The following CZIB variants were observed in gnomAD, a reference collection of about 807,000 sequenced individuals.
CZIB encodes the protein UPF0587 protein C1orf123.
Under a neutral mutation model 28.3 loss-of-function variants are expected in CZIB, and 26 were observed. The observed-to-expected ratio is 0.92, with a 90% confidence interval of 0.67 to 1.27. CZIB has a LOEUF of 1.27. Ranked by LOEUF, CZIB falls within the 50% of genes most tolerant of loss-of-function variation. The pLI, the probability that CZIB is intolerant of heterozygous loss-of-function variation, is 0.00. For missense variants in CZIB, 179 were observed against 197.3 expected (o/e 0.91, Z 0.56); for synonymous variants, 78 against 71.1 (o/e 1.10, Z -0.49).
At chr1:53,219,180 T>C (rs527420969) in intron 2 of CZIB, 1 of 480,550 alleles carries the variant, frequency 2.1e-6, no homozygotes, top group Non-Finnish European at 3.7e-6. Flanking sequence ...AAGGCACCTG[T>C]GGTGCAGAAA....
chr1:53,214,764 T>A (rs778362865), intron 7 of CZIB, 28 bp from the exon 8 acceptor site: 1 of 1,598,488 alleles, frequency 6.3e-7, no homozygotes, highest in Non-Finnish European at 8.6e-7. Flanking sequence ...ATTGTTAGCC[T>A]CACAACGCAG....
At chr1:53,217,102 G>A in intron 5 of CZIB, 1 of 466,488 alleles carries the variant, frequency 2.1e-6, no homozygotes, top group Non-Finnish European at 3.9e-6. Context: ...CTGCCTGGAT[G>A]TAAGGTAAGC....
intron 7 of CZIB, 36 bp from the exon 8 acceptor site, chr1:53,214,772 C>T: frequency 1.9e-6 from 3 of 1,575,286 alleles, no homozygotes; most frequent in Non-Finnish European, 1.7e-6. Context: ...CCTCACAACG[C>T]AGAATGCAGC....
Position 53,220,592 on chromosome 1 carries a change from C to T in CZIB, c.-17G>A. 1.3e-6 allele frequency: 2 copies of T among 1,597,100 alleles called. No homozygotes were observed. Among genetic ancestry groups the T allele is most frequent in the Non-Finnish European group, 1.7e-6 (2 of 1,178,916 alleles). On this transcript the variant is annotated 5_prime_UTR_variant, in exon 1 of 8. Coordinates refer to ENST00000294360, the MANE Select transcript of CZIB (RefSeq NM_017887.3). ...CACCCCCATGGTAGCCCTCTCCGCC[C>T]GGTGCTGGCTGCGGCCCTTGCCGTT...
chr1:53,216,137 C>A (rs897849613), intron 6 of CZIB, 81 bp from the exon 7 acceptor site: 3 of 1,316,050 alleles, frequency 2.3e-6, no homozygotes, highest in Admixed American at 1.7e-5. Context: ...AGGCTGCTGG[C>A]TCTTCTCACA....
chr1:53,218,057 G>T, intron 5 of CZIB, 115 bp downstream of exon 5: 2 of 1,095,858 alleles, frequency 1.8e-6, no homozygotes, highest in South Asian at 1.5e-5. Context: ...CTAAGTTCAT[G>T]AGTGAATGTC....
intron 3 of CZIB, 53 bp downstream of exon 3, chr1:53,218,814 G>A (rs1645491231): frequency 2.0e-6 from 3 of 1,519,054 alleles, no homozygotes; most frequent in East Asian, 2.3e-5. Flanking sequence ...CTGCCCAGAA[G>A]TGTATGTGTG....
chr1:53,220,222 G>C (rs527872472), intron 2 of CZIB, 39 bp downstream of exon 2: 541 of 1,571,350 alleles, frequency 3.4e-4, no homozygotes, highest in Non-Finnish European at 4.4e-4. Flanking sequence ...ACTGAGATCA[G>C]GACGGGCCTC....
Position 53,220,629 on chromosome 1 carries a change from C to T in CZIB, c.-54G>A, listed in dbSNP as rs1471305147. 8 of 1,587,860 alleles carry T rather than the reference C, an allele frequency of 5.0e-6. No homozygotes were observed. Among genetic ancestry groups the T allele is most frequent in the African/African-American group, 1.3e-5 (1 of 74,456 alleles). ...CGGCCCTTGCCGTTGCTTTCCGGCG[C>T]GTCGTAAAAGGCGGGTGCCGTCTGC... On this transcript the variant is annotated 5_prime_UTR_variant, in exon 1 of 8. Transcript: ENST00000294360.
Position 53,216,905 on chromosome 1 carries a change from G to A in CZIB, c.262-46C>T, listed in dbSNP as rs1316592676. On this transcript the variant is annotated intron_variant, in intron 5 of 7. Transcript: ENST00000294360. ...GGAGGCAGGCCCAAATGAGCTCTCA[G>A]GATGACCCCATGGCCCCTCTCCTTC... The A allele has an allele frequency of 2.6e-6, 4 of 1,525,654 alleles. No individual in the cohort carries two copies. The South Asian group carries it at 4.5e-5, about 17-fold the overall frequency. 94.5% of individuals were successfully genotyped at this position (1,525,654 alleles called of 1,614,324 possible). A position where few individuals can be genotyped will look rare whatever the true frequency, so the allele number is the denominator to read the frequency against.
At chr1:53,220,378 G>A (rs1473273550) in intron 1 of CZIB, 34 bp from the exon 2 acceptor site, 2 of 1,604,586 alleles carry the variant, frequency 1.2e-6, no homozygotes, top group Non-Finnish European at 1.7e-6. Flanking sequence ...TGCGTCAGCC[G>A]TGCCTGCGCA....
Position 53,220,633 on chromosome 1 carries a change from G to GT in CZIB, c.-59dup, listed in dbSNP as rs1645519258. The GT allele has an allele frequency of 6.3e-7, 1 of 1,585,100 alleles. No individual in the cohort carries two copies. ...CCTTGCCGTTGCTTTCCGGCGCGTC[G>GT]TAAAAGGCGGGTGCCGTCTGCGCAC... On this transcript the variant is annotated 5_prime_UTR_variant, in exon 1 of 8. Transcript: ENST00000294360.
intron 5 of CZIB, 116 bp downstream of exon 5, chr1:53,218,039 AAGAAGAACTAAGTTCAT>A: frequency 1.1e-6 from 1 of 951,578 alleles, no homozygotes; most frequent in Non-Finnish European, 1.6e-6. Context: ...GACTGAGTCA[AAGAAGAACTAAGTTCAT>A]GAGTGAATGT....
Position 53,216,737 on chromosome 1 carries a change from T to C in CZIB, c.339+45A>G, listed in dbSNP as rs558687363. 68 of 1,551,196 alleles carry C rather than the reference T, an allele frequency of 4.4e-5. No homozygotes were observed. The South Asian group carries it at 6.9e-4, about 16-fold the overall frequency. On this transcript the variant is annotated intron_variant, in intron 6 of 7. Coordinates refer to ENST00000294360, the MANE Select transcript of CZIB (RefSeq NM_017887.3). ...ACAGTTCTGGCTGTCACTTCATACA[T>C]CCCCTCCCCAAAGACAAAGATTCCC...
intron 3 of CZIB, 158 bp downstream of exon 3, chr1:53,218,709 G>T: frequency 1.2e-6 from 1 of 808,448 alleles, no homozygotes; most frequent in Non-Finnish European, 2.0e-6. Flanking sequence ...GATGCCTATT[G>T]AATCCAGTGC....
At chr1:53,218,290 C>T (rs1442585647) in intron 4 of CZIB, 87 bp from the exon 5 acceptor site, 7 of 1,578,118 alleles carry the variant, frequency 4.4e-6, no homozygotes, top group South Asian at 1.1e-5. Flanking sequence ...AAAAAGATCA[C>T]GCTGTACAGG....
chr1:53,216,487 A>T (rs1270100906), intron 6 of CZIB, among the ~76,000 whole-genome samples: 1 of 152,212 alleles, frequency 6.6e-6, no homozygotes, highest in African/African-American at 2.4e-5. Flanking sequence ...TTGAAACTAT[A>T]GCTCCACTGC....
chr1:53,220,386 G>T (rs761245589), intron 1 of CZIB, 42 bp from the exon 2 acceptor site: 3 of 1,600,704 alleles, frequency 1.9e-6, no homozygotes, highest in Non-Finnish European at 1.7e-6. Context: ...CCGTGCCTGC[G>T]CAGCCCCACG....
intron 4 of CZIB, 46 bp from the exon 5 acceptor site, chr1:53,218,249 C>T (rs12140585): frequency 8.7e-6 from 14 of 1,609,804 alleles, no homozygotes; most frequent in South Asian, 2.2e-5. Flanking sequence ...TCCATACCCT[C>T]GCCCCAGCCA....
Sources: gnomAD v4.1 joint callset for allele counts (sites outside exome capture counted in the v4.1 genomes callset) on GRCh38, gnomAD v4.1.1 for gene constraint, MANE v1.5 for transcripts, NCBI Gene and HGNC (gene_info 2026-07-23, HGNC 2026-07-21) for gene names.